ITPR1: variants seen among roughly 807,000 people sequenced by gnomAD.
ITPR1 encodes inositol 1,4,5-trisphosphate receptor type 1.
In ITPR1, 96 loss-of-function variants were observed where a neutral mutation model predicts 318.4. The ratio of observed to expected loss-of-function variants is 0.30; its 90% CI spans 0.26 to 0.36. The LOEUF is 0.36. Ranked by LOEUF, ITPR1 falls within the 10% of genes least tolerant of loss-of-function variation. The pLI is 1.00. For synonymous variants in ITPR1, 1,312 were observed against 1,289.9 expected, an observed-to-expected ratio of 1.02 and a Z score of -0.37; for missense variants, 2,440 against 3,460.2, an observed-to-expected ratio of 0.71 and a Z score of 7.40.
At chr3:4,768,888 C>T (rs1047795332) in intron 46 of ITPR1, 124 bp downstream of exon 46, 17 of 809,956 alleles carry the variant, frequency 2.1e-5, no homozygotes, top group South Asian at 1.1e-4. Flanking sequence ...CAGCAAGGTT[C>T]TTTTTTTTCC....
rs544614352 is a variant in ITPR1 at position 4,495,978 on chromosome 3, G to C, written c.-17+1472G>C. Among the ~76,000 whole-genome samples the C allele has an allele frequency of 5.3e-5, 8 of 152,300 alleles. No individual in the cohort carries two copies. The East Asian group carries it at 9.6e-4, about 18-fold the overall frequency. On this transcript the variant is annotated intron_variant, in intron 2 of 61. Coordinates refer to ENST00000649015, the MANE Select transcript of ITPR1 (RefSeq NM_001378452.1). Reference sequence around the variant, plus strand: ...AGGAAAGGATGTAGCCACAAACATAGGGATAAAAGAGTGCAGATATTTGAG... The same window carrying C: ...AGGAAAGGATGTAGCCACAAACATACGGATAAAAGAGTGCAGATATTTGAG...
At chr3:4,495,048 A>T (rs1397899415) in intron 2 of ITPR1, among the ~76,000 whole-genome samples, 1 of 152,138 alleles carries the variant, frequency 6.6e-6, no homozygotes. Flanking sequence ...GACTCAAGCC[A>T]CCTGAGTGTC....
At chr3:4,609,089 T>TATATATACACACAC (rs1171860541) in intron 4 of ITPR1, among the ~76,000 whole-genome samples, 44 of 91,934 alleles carry the variant, frequency 4.8e-4, no homozygotes, top group East Asian at 2.4e-3. Context: ...TATATATATA[T>TATATATACACACAC]ACACACACAC....
intron 55 of ITPR1, among the ~76,000 whole-genome samples, chr3:4,807,125 G>GACTTACAAAGAGA (rs2048617673): frequency 4.4e-4 from 1 of 2,252 alleles, no homozygotes; most frequent in Non-Finnish European, 1.2e-3. Flanking sequence ...CAAAGAGAGG[G>GACTTACAAAGAGA]GGGCTTACAA....
chr3:4,833,102 A>C (rs1444483683), intron 60 of ITPR1, among the ~76,000 whole-genome samples: 1 of 152,262 alleles, frequency 6.6e-6, no homozygotes, highest in Non-Finnish European at 1.5e-5. Flanking sequence ...AACCCCATGC[A>C]GGACACAGAT....
chr3:4,626,173 C>T (rs2125126521), intron 4 of ITPR1, among the ~76,000 whole-genome samples: 1 of 149,776 alleles, frequency 6.7e-6, no homozygotes, highest in South Asian at 2.1e-4. Context: ...GGTGGCTATA[C>T]CCTAAACTTT....
chr3:4,563,918 G>C (rs895813189), intron 4 of ITPR1, among the ~76,000 whole-genome samples: 3 of 151,910 alleles, frequency 2.0e-5, no homozygotes, highest in African/African-American at 7.3e-5. Flanking sequence ...CTAAATCAAA[G>C]TGTCAGCTGA....
At chr3:4,784,893 CAAAA>C in intron 51 of ITPR1, among the ~76,000 whole-genome samples, 1 of 145,908 alleles carries the variant, frequency 6.9e-6, no homozygotes, top group African/African-American at 2.5e-5. Context: ...CAAGCTGTCT[CAAAA>C]AAAAAAGAAA....
At chr3:4,679,853 A>C (rs1559679110) in intron 24 of ITPR1, among the ~76,000 whole-genome samples, 4 of 152,178 alleles carry the variant, frequency 2.6e-5, no homozygotes. Context: ...CCAGAGACCT[A>C]TCTCCCTCTG....
At chr3:4,811,205 G>A in intron 55 of ITPR1, 60 bp from the exon 56 acceptor site, 1 of 1,241,346 alleles carries the variant, frequency 8.1e-7, no homozygotes, top group South Asian at 1.7e-5. Flanking sequence ...TTGCATTATG[G>A]GATAGTGATG....
chr3:4,671,506 A>G (rs1034203995), intron 20 of ITPR1: 4 of 152,060 alleles, frequency 2.6e-5, no homozygotes, highest in African/African-American at 9.7e-5. Flanking sequence ...CACCTTTTCC[A>G]TTTCATGACT....
At chr3:4,740,485 G>A (rs2043620949) in intron 44 of ITPR1, among the ~76,000 whole-genome samples, 1 of 152,160 alleles carries the variant, frequency 6.6e-6, no homozygotes, top group South Asian at 2.1e-4. Flanking sequence ...CACAAATAAT[G>A]ACATACAGTG....
chr3:4,645,720 G>A lies in ITPR1; in HGVS notation c.847G>A (p.Glu283Lys). ...TSATSSKALW[E>K]VEVVQHDPCR... ...TGCCACCAGTTCAAAAGCCCTGTGG[G>A]AGGTGGAGGTAAGGGTAGGGTGGAG... Residue 283 changes from glutamate (E) to lysine (K), a missense_variant, in exon 10 of 62, where the codon GAG (glutamate) becomes AAG (lysine). This residue lies in a region of ITPR1 where 32 missense variants were observed against 62.7 expected (regional missense o/e 0.51). Coordinates refer to ENST00000649015, the MANE Select transcript of ITPR1 (RefSeq NM_001378452.1). 1 of 1,612,790 alleles carries A rather than the reference G, an allele frequency of 6.2e-7. No individual in the cohort carries two copies. The highest frequency in any genetic ancestry group is 8.5e-7 in the Non-Finnish European group (1 of 1,179,702).
chr3:4,615,647 G>A, intron 4 of ITPR1, among the ~76,000 whole-genome samples: 1 of 152,106 alleles, frequency 6.6e-6, no homozygotes, highest in African/African-American at 2.4e-5. Context: ...AAAGTGCTGG[G>A]ATTACAGGAG....
chr3:4,835,015 C>T (rs1159725469), intron 60 of ITPR1, among the ~76,000 whole-genome samples: 7 of 152,152 alleles, frequency 4.6e-5, no homozygotes. Context: ...TCTGTCCTTC[C>T]ACAAGCTTTT....
At chr3:4,827,170 C>G (rs55767618) in intron 60 of ITPR1, among the ~76,000 whole-genome samples, 100,690 of 152,106 alleles carry the variant, frequency 0.66, 33,849 homozygotes, top group African/African-American at 0.77. Flanking sequence ...CCGCCCATAC[C>G]CTGACCCACC....
At chr3:4,769,903 C>T (rs904819579) in intron 46 of ITPR1, among the ~76,000 whole-genome samples, 1 of 152,256 alleles carries the variant, frequency 6.6e-6, no homozygotes, top group Non-Finnish European at 1.5e-5. Flanking sequence ...GGAGGGCCCT[C>T]ACTGCCCAGG....
chr3:4,828,868 C>CTTGAT (rs1393427956), intron 60 of ITPR1, among the ~76,000 whole-genome samples: 1 of 152,098 alleles, frequency 6.6e-6, no homozygotes, highest in Non-Finnish European at 1.5e-5. Context: ...AGACTGACAC[C>CTTGAT]TTGATTTATG....
At chr3:4,730,713 AG>A (rs1382321171) in intron 42 of ITPR1, among the ~76,000 whole-genome samples, 1 of 152,138 alleles carries the variant, frequency 6.6e-6, no homozygotes, top group East Asian at 1.9e-4. Flanking sequence ...AGCCACCACT[AG>A]AAACTGAAAA....
Sources: gnomAD v4.1 joint callset for allele counts (sites outside exome capture counted in the v4.1 genomes callset) on GRCh38, gnomAD v4.1.1 for gene constraint, gnomAD v4.1.1 regional missense constraint, MANE v1.5 for transcripts, NCBI Gene and HGNC (gene_info 2026-07-23, HGNC 2026-07-21) for gene names.